The following TRIM11 variants were observed in gnomAD, a reference collection of about 807,000 sequenced individuals.
TRIM11 encodes the protein tripartite motif containing 11.
TRIM11 carries 15 observed loss-of-function variants against 33.4 expected under a neutral mutation model. The observed-to-expected ratio is 0.45, with a 90% CI of 0.30 to 0.69. The LOEUF (loss-of-function observed/expected upper bound fraction) is 0.69, where lower values mean the gene tolerates loss of function less well. TRIM11 is among the 30% of genes least tolerant of loss of function. The probability of loss-of-function intolerance (pLI) is 0.08; values close to 1 mark genes in which losing one functional copy is unlikely to be tolerated. For synonymous variants in TRIM11, 281 were observed against 302.6 expected (o/e 0.93, Z 0.74); for missense variants, 499 against 667.6 (o/e 0.75, Z 2.78).
chr1:228,397,154 G>A lies in TRIM11; in HGVS notation c.747C>T (p.Asp249=), dbSNP rs371216729. The A allele has an allele frequency of 1.3e-4, 211 of 1,613,362 alleles. No homozygotes were observed. Among genetic ancestry groups the A allele is most frequent in the Middle Eastern group, 1.7e-4 (1 of 5,942 alleles). ...PALGLLQDIK[D]ALRRVQDVKL... is the part of the protein sequence containing the mutation. ...GGCTGGGTTCGTACCTGCGCAGGGC[G>A]TCCTTGATGTCCTATGTGGGGAGGA... The change falls in exon 4 of 6, where the codon GAC becomes GAT. Residue 249 remains aspartate (D), a synonymous_variant. Transcript: ENST00000284551.
intron 3 of TRIM11, among the ~76,000 whole-genome samples, chr1:228,398,514 G>A (rs1028719681): frequency 1.3e-5 from 2 of 152,116 alleles, no homozygotes; most frequent in Non-Finnish European, 2.9e-5. Context: ...ACCTACTCAG[G>A]GGACTGAGAT....
Position 228,401,095 on chromosome 1 carries a change from C to G in TRIM11, c.604G>C (p.Glu202Gln). 1 of 1,613,552 alleles carries G rather than the reference C, an allele frequency of 6.2e-7. No homozygotes were observed. Among genetic ancestry groups the G allele is most frequent in the Non-Finnish European group, 8.5e-7 (1 of 1,179,904 alleles). Reference sequence around the variant, plus strand: ...CGGGGCAGCACCTCCAGCTCCTCCTCCTCCAGCCTCTGCAGCAGCTGCTGC... The same window carrying G: ...CGGGGCAGCACCTCCAGCTCCTCCTGCTCCAGCCTCTGCAGCAGCTGCTGC... ...EEQQLLQRLE[E>Q]EELEVLPRLR... The change falls in exon 3 of 6, where the codon GAG (glutamate) becomes CAG (glutamine). Residue 202 changes from glutamate to glutamine, a missense_variant. Coordinates refer to ENST00000284551, the MANE Select transcript of TRIM11 (RefSeq NM_145214.3). This position sits in a 1 kb window ranked among gnomAD's most constrained non-coding sequence, Gnocchi z 6.1.
At chr1:228,398,699 G>A (rs1342712133) in intron 3 of TRIM11, among the ~76,000 whole-genome samples, 1 of 152,094 alleles carries the variant, frequency 6.6e-6, no homozygotes, top group African/African-American at 2.4e-5. Flanking sequence ...GTAGACACAG[G>A]GGGAGTGCGC....
At position 228,401,687 on chromosome 1, in the gene TRIM11, C is replaced by G. The variant is rs548467000; in HGVS notation, c.504+379G>C. ...ACCCAGAGCCTCCCAGACCCCAAAT[C>G]TACCCCAGAACTGGACAGATCCCAA... On this transcript the variant is annotated intron_variant, in intron 2 of 5. Coordinates refer to ENST00000284551, the MANE Select transcript of TRIM11 (RefSeq NM_145214.3). The surrounding 1 kb of genome is among the most constrained non-coding windows in gnomAD (Gnocchi z 6.1). Among the ~76,000 whole-genome samples the G allele has an allele frequency of 6.6e-6, 1 of 152,206 alleles. No individual in the cohort carries two copies. The highest frequency in any genetic ancestry group is 2.4e-5 in the African/African-American group (1 of 41,524).
Position 228,406,073 on chromosome 1 carries a change from C to A in TRIM11, c.408+81G>T. 7.7e-7 allele frequency: 1 copy of A among 1,290,438 alleles called. No homozygotes were observed. The highest frequency in any genetic ancestry group is 9.9e-7 in the Non-Finnish European group (1 of 1,009,078). 79.9% of individuals were successfully genotyped at this position (1,290,438 alleles called of 1,614,324 possible). On this transcript the variant is annotated intron_variant, in intron 1 of 5. Coordinates refer to ENST00000284551, the MANE Select transcript of TRIM11 (RefSeq NM_145214.3). The surrounding 1 kb of genome is among the most constrained non-coding windows in gnomAD (Gnocchi z 8.2). ...AGAGACAGATTACTCCCGGAGCAGTCCCCCAAACCTCCCACCCGCCCAGGC... is the reference window on the plus strand; with the variant it reads ...AGAGACAGATTACTCCCGGAGCAGTACCCCAAACCTCCCACCCGCCCAGGC...
rs1396197560 is a variant in TRIM11 at position 228,406,442 on chromosome 1, G to C, written c.120C>G (p.Ile40Met). 6.3e-6 allele frequency: 10 copies of C among 1,589,918 alleles called. No homozygotes were observed. The highest frequency in any genetic ancestry group is 8.5e-6 in the Non-Finnish European group (10 of 1,172,842). The stretch of plus-strand genomic sequence containing the variant: ...CCTCGGGCTGGCCCCAGCAGCGCCG[G>C]ATGCACTCGCGGCAGAAGTTGTGGC... ...DCGHNFCREC[I>M]RRCWGQPEGP... The change falls in exon 1 of 6, where the codon ATC becomes ATG. Residue 40 changes from isoleucine to methionine, a missense_variant. By Grantham distance (10) the Ile-to-Met change is conservative. Coordinates refer to ENST00000284551, the MANE Select transcript of TRIM11 (RefSeq NM_145214.3). This position sits in a 1 kb window ranked among gnomAD's most constrained non-coding sequence, Gnocchi z 8.2.
chr1:228,406,585 C>A lies in TRIM11; in HGVS notation c.-24G>T. 7.0e-7 allele frequency: 1 copy of A among 1,435,490 alleles called. No homozygotes were observed. Among genetic ancestry groups the A allele is most frequent in the Non-Finnish European group, 9.1e-7 (1 of 1,093,364 alleles). 88.9% of individuals were successfully genotyped at this position (1,435,490 alleles called of 1,614,324 possible). ...ATGGCGCGGACAGAGGGGAGGAAGG[C>A]GGTACTGTCCGCGGGGCGGCGGCGG... On this transcript the variant is annotated 5_prime_UTR_variant, in exon 1 of 6. Coordinates refer to ENST00000284551, the MANE Select transcript of TRIM11 (RefSeq NM_145214.3). This position sits in a 1 kb window ranked among gnomAD's most constrained non-coding sequence, Gnocchi z 8.2.
chr1:228,399,896 A>C (rs1463067023), intron 3 of TRIM11, among the ~76,000 whole-genome samples: 5 of 150,408 alleles, frequency 3.3e-5, no homozygotes, highest in Admixed American at 2.0e-4. Flanking sequence ...AAAAACAAAA[A>C]AAAAAAAACA....
chr1:228,396,211 G>A lies in TRIM11; in HGVS notation c.859+736C>T, dbSNP rs181928006. On this transcript the variant is annotated intron_variant, in intron 5 of 5. Coordinates refer to ENST00000284551, the MANE Select transcript of TRIM11 (RefSeq NM_145214.3). ...AAGACCAATCCTGTCAGTAGAGGGC[G>A]GGAACACTCAGCCCCAGCCTCTGAC... 97 of 167,956 alleles carry A rather than the reference G, an allele frequency of 5.8e-4. No homozygotes were observed. The East Asian group carries it at 6.0e-3, about 10-fold the overall frequency. The allele number at this position is 167,956 out of a possible 1,614,324, so 10.4% of individuals were successfully genotyped here. A position where few individuals can be genotyped will look rare whatever the true frequency, so the allele number is the denominator to read the frequency against.
In TRIM11 at chr1:228,406,252, C is replaced by T. The variant is rs903158435; in HGVS notation, c.310G>A (p.Gly104Ser). 6 of 1,497,270 alleles carry T rather than the reference C, an allele frequency of 4.0e-6. No individual in the cohort carries two copies. The highest frequency in any genetic ancestry group is 4.4e-6 in the Non-Finnish European group (5 of 1,130,486). The allele number at this position is 1,497,270 out of a possible 1,614,324, so 92.7% of individuals were successfully genotyped here. ...AHREPLAAFC[G>S]DELRLLCAAC... The stretch of plus-strand genomic sequence containing the variant: ...GCACACAGGAGGCGCAGCTCGTCGC[C>T]ACAGAAGGCGGCCAGTGGCTCGCGG... Residue 104 changes from glycine to serine, a missense_variant, in exon 1 of 6, where the codon GGC becomes AGC. Physicochemically the swap from Gly to Ser is moderately conservative, Grantham distance 56. Coordinates refer to ENST00000284551, the MANE Select transcript of TRIM11 (RefSeq NM_145214.3). The surrounding 1 kb of genome is among the most constrained non-coding windows in gnomAD (Gnocchi z 8.2).
rs146390913 is a variant in TRIM11, at chr1:228,394,987, G to A, written c.1125C>T (p.Asn375=). The change falls in exon 6 of 6, where the codon AAC becomes AAT. Residue 375 remains asparagine, a synonymous_variant. Coordinates refer to ENST00000284551, the MANE Select transcript of TRIM11 (RefSeq NM_145214.3). This position sits in a 1 kb window ranked among gnomAD's most constrained non-coding sequence, Gnocchi z 6.2. ...CCAGGAAGACCAGGATCCAGAAGCCGTTGCCCGCGGACAGCTCGCCCTTCT... is the reference window on the plus strand; with the variant it reads ...CCAGGAAGACCAGGATCCAGAAGCCATTGCCCGCGGACAGCTCGCCCTTCT... ...RKEKGELSAG[N]GFWILVFLGS... is the part of the protein sequence containing the mutation. 8.8e-5 allele frequency: 142 copies of A among 1,614,036 alleles called. No individual in the cohort carries two copies. Among genetic ancestry groups the A allele is most frequent in the African/African-American group, 2.0e-4 (15 of 74,924 alleles).
Position 228,401,454 on chromosome 1 carries a change from ACAGGACTGGCTAGACCCCAAATCTAAACC to A in TRIM11, c.505-289_505-261del. Among the ~76,000 whole-genome samples the A allele has an allele frequency of 6.6e-6, 1 of 152,030 alleles. No homozygotes were observed. Among genetic ancestry groups the A allele is most frequent in the East Asian group, 1.9e-4 (1 of 5,158 alleles). On this transcript the variant is annotated intron_variant, in intron 2 of 5. Transcript: ENST00000284551. The surrounding 1 kb of genome is among the most constrained non-coding windows in gnomAD (Gnocchi z 6.1). ...GGAGAGCCAAATCCCATTCTACCAC[ACAGGACTGGCTAGACCCCAAATCTAAACC>A]CAGGGCCGACTAGATCCCAAATCCA...
rs1391686716 is a variant in TRIM11 at position 228,400,908 on chromosome 1, C to G, written c.735+56G>C. ...TTGCACTTTCTGGTTCTCCCTCCCC[C>G]AGTGTGGCCAGGCCATGCCCGTGTG... On this transcript the variant is annotated intron_variant, in intron 3 of 5. Transcript: ENST00000284551. This position sits in a 1 kb window ranked among gnomAD's most constrained non-coding sequence, Gnocchi z 4.5. The G allele has an allele frequency of 6.9e-7, 1 of 1,455,330 alleles. No individual in the cohort carries two copies. The allele number at this position is 1,455,330 out of a possible 1,614,324, so 90.2% of individuals were successfully genotyped here. A position where few individuals can be genotyped will look rare whatever the true frequency, so the allele number is the denominator to read the frequency against.
chr1:228,405,126 T>C (rs1323937670), intron 1 of TRIM11: 1 of 152,290 alleles, frequency 6.6e-6, no homozygotes, highest in Admixed American at 6.5e-5. Context: ...GCTAACATGT[T>C]TCAGGTGTAG....
chr1:228,397,560 C>A, intron 3 of TRIM11: 1 of 211,048 alleles, frequency 4.7e-6, no homozygotes. Flanking sequence ...CAGCTGGAGC[C>A]CAACCCTGTG....
At position 228,397,044 on chromosome 1, in the gene TRIM11, G is replaced by A. The variant is rs1367517032; in HGVS notation, c.762C>T (p.Val254=). 6 of 1,613,786 alleles carry A rather than the reference G, an allele frequency of 3.7e-6. No homozygotes were observed. The South Asian group carries it at 6.6e-5, about 18-fold the overall frequency. ...LQDIKDALRR[V]QDVKLQPPEV... ...CTGGGGGCTGCAGCTTCACATCCTG[G>A]ACCCTAGAGGGGACAACCCAGGTGT... The change falls in exon 5 of 6, where the codon GTC becomes GTT. Residue 254 remains valine, a synonymous_variant. Transcript: ENST00000284551.
At position 228,400,325 on chromosome 1, in the gene TRIM11, C is replaced by T. The variant is rs1463769805; in HGVS notation, c.735+639G>A. 1.3e-5 allele frequency among the ~76,000 whole-genome samples: 2 copies of T among 152,264 alleles called. No individual in the cohort carries two copies. The highest frequency in any genetic ancestry group is 4.8e-5 in the African/African-American group (2 of 41,478). ...TGCCGTCAGTCCTCATCAGTGCACG[C>T]TTGCCAAGCGGAGAGAGCTGACTCC... On this transcript the variant is annotated intron_variant, in intron 3 of 5. Transcript: ENST00000284551. The surrounding 1 kb of genome is among the most constrained non-coding windows in gnomAD (Gnocchi z 4.5).
Position 228,400,909 on chromosome 1 carries a change from AG to A in TRIM11, c.735+54del. The A allele has an allele frequency of 6.9e-7, 1 of 1,456,360 alleles. No individual in the cohort carries two copies. The highest frequency in any genetic ancestry group is 2.5e-5 in the East Asian group (1 of 40,210). 90.2% of individuals were successfully genotyped at this position (1,456,360 alleles called of 1,614,324 possible). A position where few individuals can be genotyped will look rare whatever the true frequency, so the allele number is the denominator to read the frequency against. On this transcript the variant is annotated intron_variant, in intron 3 of 5. Coordinates refer to ENST00000284551, the MANE Select transcript of TRIM11 (RefSeq NM_145214.3). The surrounding 1 kb of genome is among the most constrained non-coding windows in gnomAD (Gnocchi z 4.5). ...TGCACTTTCTGGTTCTCCCTCCCCC[AG>A]TGTGGCCAGGCCATGCCCGTGTGGC...
chr1:228,406,337 G>T lies in TRIM11; in HGVS notation c.225C>A (p.Ala75=). The change falls in exon 1 of 6, where the codon GCC becomes GCA. Residue 75 remains alanine (A), a synonymous_variant. Transcript: ENST00000284551. This position sits in a 1 kb window ranked among gnomAD's most constrained non-coding sequence, Gnocchi z 8.2. ...LRPNRPLAKM[A]EMARRLHPPS... ...GCGGGTGCAGGCGCCGCGCCATCTC[G>T]GCCATCTTAGCAAGCGGGCGGTTGG... 1 of 1,480,948 alleles carries T rather than the reference G, an allele frequency of 6.8e-7. No homozygotes were observed. The allele number at this position is 1,480,948 out of a possible 1,614,324, so 91.7% of individuals were successfully genotyped here.
Sources: gnomAD v4.1 joint callset for allele counts (sites outside exome capture counted in the v4.1 genomes callset) on GRCh38, gnomAD v4.1.1 for gene constraint, Gnocchi (gnomAD v3.1) non-coding constraint, MANE v1.5 for transcripts, NCBI Gene and HGNC (gene_info 2026-07-23, HGNC 2026-07-21) for gene names.